Variants in ADAMTS19 observed in about 807,000 individuals in gnomAD.
The protein encoded by ADAMTS19 is ADAM metallopeptidase with thrombospondin type 1 motif 19, also known as A disintegrin and metalloproteinase with thrombospondin motifs 19.
In ADAMTS19, 93 loss-of-function variants were observed where a neutral mutation model predicts 153.3. The ratio of observed to expected loss-of-function variants is 0.61; its 90% CI spans 0.51 to 0.72. The LOEUF (loss-of-function observed/expected upper bound fraction) is 0.72, where lower values mean the gene tolerates loss of function less well. Among genes scored for constraint, ADAMTS19 ranks in the 30% least tolerant of loss-of-function variants. The probability of loss-of-function intolerance (pLI) is 0.00; values close to 1 mark genes in which losing one functional copy is unlikely to be tolerated. For synonymous variants in ADAMTS19, 600 were observed against 556.6 expected (o/e 1.08, Z -1.10); for missense variants, 1,482 against 1,552.1 (o/e 0.95, Z 0.76).
chr5:129,586,085 C>CATA (rs1749780459), intron 7 of ADAMTS19, among the ~76,000 whole-genome samples: 2 of 152,116 alleles, frequency 1.3e-5, no homozygotes, highest in Non-Finnish European at 2.9e-5. Context: ...CTTACACCCC[C>CATA]TGTCCACACA....
intron 19 of ADAMTS19, among the ~76,000 whole-genome samples, chr5:129,699,436 A>G (rs954678848): frequency 2.0e-5 from 3 of 152,042 alleles, no homozygotes; most frequent in Non-Finnish European, 4.4e-5. Context: ...AAAAAAAAAA[A>G]AAAAGAAAGA....
rs138491653 is a variant in ADAMTS19, at chr5:129,658,671, G to A, written c.2359G>A (p.Val787Ile). 13 of 1,613,338 alleles carry A rather than the reference G, an allele frequency of 8.1e-6. No individual in the cohort carries two copies. The highest frequency in any genetic ancestry group is 1.7e-5 in the Admixed American group (1 of 59,978). The change falls in exon 15 of 23, where the codon GTA becomes ATA. Residue 787 changes from valine (V) to isoleucine (I), a missense_variant. Transcript: ENST00000274487. Reference protein sequence around the residue: ...GSLAREDHCGVCNGNGKSCKI... With the variant: ...GSLAREDHCGICNGNGKSCKI... ...TCTTGCAAGAGAAGATCATTGTGGT[G>A]TATGCAATGGCAATGGAAAATCATG...
Position 129,737,460 on chromosome 5 carries a change from TAAAAA to T in ADAMTS19, c.*243_*247del. ...GAATTAGTTGGATCCAGTAATATAA[TAAAAA>T]GAAAAAGGAAAAAAATAGATCATTA... On this transcript the variant is annotated 3_prime_UTR_variant, in exon 23 of 23. Coordinates refer to ENST00000274487, the MANE Select transcript of ADAMTS19 (RefSeq NM_133638.6). The T allele has an allele frequency of 3.6e-6, 1 of 275,246 alleles. No individual in the cohort carries two copies. Among genetic ancestry groups the T allele is most frequent in the South Asian group, 1.2e-4 (1 of 8,568 alleles). 17.1% of individuals were successfully genotyped at this position (275,246 alleles called of 1,614,324 possible). A position where few individuals can be genotyped will look rare whatever the true frequency, so the allele number is the denominator to read the frequency against.
chr5:129,464,434 G>A (rs1749789400), intron 2 of ADAMTS19, among the ~76,000 whole-genome samples: 1 of 152,166 alleles, frequency 6.6e-6, no homozygotes, highest in Non-Finnish European at 1.5e-5. Flanking sequence ...CTTTCTTATT[G>A]TCAGTTGCAG....
chr5:129,684,041 C>A (rs1754951828), intron 17 of ADAMTS19, 79 bp from the exon 18 acceptor site: 1 of 1,414,478 alleles, frequency 7.1e-7, no homozygotes, highest in Non-Finnish European at 9.6e-7. Flanking sequence ...TTTTAAGTAT[C>A]AATATTGTTA....
chr5:129,607,971 A>ATG (rs1309185631), intron 8 of ADAMTS19, among the ~76,000 whole-genome samples: 6 of 149,148 alleles, frequency 4.0e-5, no homozygotes, highest in Non-Finnish European at 7.4e-5. Context: ...ACACATATAT[A>ATG]TATTTCCATT....
intron 6 of ADAMTS19, among the ~76,000 whole-genome samples, chr5:129,533,421 T>G (rs1432861136): frequency 1.3e-5 from 2 of 152,240 alleles, no homozygotes; most frequent in African/African-American, 4.8e-5. Context: ...TTTGTATTTC[T>G]GTGGGATCGG....
At chr5:129,492,162 C>T (rs182339457) in intron 2 of ADAMTS19, among the ~76,000 whole-genome samples, 7 of 152,196 alleles carry the variant, frequency 4.6e-5, no homozygotes, top group Non-Finnish European at 7.4e-5. Context: ...TCTCACATGG[C>T]GAAAGCAGGA....
At chr5:129,549,563 C>A (rs1349344870) in intron 6 of ADAMTS19, among the ~76,000 whole-genome samples, 1 of 151,302 alleles carries the variant, frequency 6.6e-6, no homozygotes, top group East Asian at 1.9e-4. Context: ...ATAAACAAAT[C>A]AAAAATTAGA....
At chr5:129,552,905 A>T (rs1170489512) in intron 7 of ADAMTS19, among the ~76,000 whole-genome samples, 1 of 152,058 alleles carries the variant, frequency 6.6e-6, no homozygotes, top group Admixed American at 6.6e-5. Context: ...GTGGATGATG[A>T]TGGAATCAAG....
Position 129,540,598 on chromosome 5 carries a change from T to A in ADAMTS19, c.1329-11266T>A, listed in dbSNP as rs114644243. 4.4e-3 allele frequency among the ~76,000 whole-genome samples: 671 copies of A among 152,212 alleles called. 1 individual carries two copies. The highest frequency in any genetic ancestry group is 6.9e-3 in the Non-Finnish European group (472 of 67,946). ...CATGTGAAAGTTAGTTTCAAACTAA[T>A]GCCATTGGCAAGTAAGAGAAAATTT... On this transcript the variant is annotated intron_variant, in intron 6 of 22. Coordinates refer to ENST00000274487, the MANE Select transcript of ADAMTS19 (RefSeq NM_133638.6).
Position 129,461,972 on chromosome 5 carries a change from C to A in ADAMTS19, c.747+215C>A, listed in dbSNP as rs1260746842. The stretch of plus-strand genomic sequence containing the variant: ...GAAGTTTAATTGGGTGGATAAATGG[C>A]CTTCTCCTTCCAGATGGTTATGTGT... On this transcript the variant is annotated intron_variant, in intron 2 of 22. Coordinates refer to ENST00000274487, the MANE Select transcript of ADAMTS19 (RefSeq NM_133638.6). This position sits in a 1 kb window ranked among gnomAD's most constrained non-coding sequence, Gnocchi z 4.6. Among the ~76,000 whole-genome samples the A allele has an allele frequency of 1.3e-5, 2 of 152,200 alleles. No homozygotes were observed. The highest frequency in any genetic ancestry group is 1.9e-4 in the East Asian group (1 of 5,194).
intron 2 of ADAMTS19, among the ~76,000 whole-genome samples, chr5:129,498,376 TGTG>T (rs1750992773): frequency 6.6e-6 from 1 of 152,084 alleles, no homozygotes; most frequent in Non-Finnish European, 1.5e-5. Context: ...TACCATTTCT[TGTG>T]GTACTAAGTA....
At chr5:129,646,014 A>G (rs902418179) in intron 11 of ADAMTS19, among the ~76,000 whole-genome samples, 6 of 145,002 alleles carry the variant, frequency 4.1e-5, no homozygotes, top group East Asian at 2.0e-4. Flanking sequence ...TCAGCCTCCC[A>G]AGTAGCTGGG....
At chr5:129,545,969 A>C (rs1344798830) in intron 6 of ADAMTS19, among the ~76,000 whole-genome samples, 1 of 149,270 alleles carries the variant, frequency 6.7e-6, no homozygotes, top group African/African-American at 2.6e-5. Context: ...CACAATAGCA[A>C]AGACTTGGAA....
chr5:129,478,006 A>G (rs59148259), intron 2 of ADAMTS19, among the ~76,000 whole-genome samples: 11,800 of 152,202 alleles, frequency 0.078, 472 homozygotes, highest in African/African-American at 0.1. Context: ...AAAATTCAAT[A>G]TAAGTGAAAG....
chr5:129,532,628 T>G lies in ADAMTS19; in HGVS notation c.1328+3951T>G, dbSNP rs566951061. ...TAAAAATGTTATTCACATAAAAAAT[T>G]GCACTTGAAAATTTATAGAAGCTTT... is the stretch of plus-strand genomic sequence containing the variant. On this transcript the variant is annotated intron_variant, in intron 6 of 22. Transcript: ENST00000274487. 5.8e-4 allele frequency among the ~76,000 whole-genome samples: 89 copies of G among 152,326 alleles called. No individual in the cohort carries two copies. In the South Asian group the frequency reaches 0.018, roughly 30 times the overall value.
chr5:129,532,231 C>A (rs748118965), intron 6 of ADAMTS19, among the ~76,000 whole-genome samples: 3 of 152,102 alleles, frequency 2.0e-5, no homozygotes, highest in Non-Finnish European at 4.4e-5. Context: ...AAATAGTTGT[C>A]ATGCATATAC....
At chr5:129,518,321 C>T (rs376474394) in intron 3 of ADAMTS19, among the ~76,000 whole-genome samples, 2 of 152,044 alleles carry the variant, frequency 1.3e-5, no homozygotes, top group South Asian at 4.1e-4. Flanking sequence ...TTATGTATTA[C>T]TCATTAATGT....
Sources: allele counts gnomAD v4.1 joint callset (sites outside exome capture counted in the v4.1 genomes callset), GRCh38; gene constraint gnomAD v4.1.1; non-coding constraint Gnocchi (gnomAD v3.1); transcripts MANE v1.5; gene names NCBI Gene and HGNC (gene_info 2026-07-23, HGNC 2026-07-21).